The following ADGRF5 variants were observed in gnomAD, a reference collection of about 807,000 sequenced individuals.
ADGRF5 encodes the protein G-protein coupled receptor 116.
ADGRF5 carries 75 observed loss-of-function variants against 132.3 expected under a neutral mutation model. That is an observed-to-expected ratio of 0.57 (90% confidence interval 0.47 to 0.69). The LOEUF (loss-of-function observed/expected upper bound fraction) is 0.69, where lower values mean the gene tolerates loss of function less well. ADGRF5 is among the 30% of genes least tolerant of loss of function. The probability of loss-of-function intolerance (pLI) is 0.00; values close to 1 mark genes in which losing one functional copy is unlikely to be tolerated. For synonymous variants in ADGRF5, 629 were observed against 597.6 expected, an observed-to-expected ratio of 1.05 and a Z score of -0.77; for missense variants, 1,516 against 1,630.6, an observed-to-expected ratio of 0.93 and a Z score of 1.21.
At chr6:46,897,052 A>T (rs972924080) in intron 3 of ADGRF5, among the ~76,000 whole-genome samples, 1 of 151,884 alleles carries the variant, frequency 6.6e-6, no homozygotes, top group Non-Finnish European at 1.5e-5. Flanking sequence ...CCAATCCCCC[A>T]TGGATACCAA....
intron 19 of ADGRF5, among the ~76,000 whole-genome samples, chr6:46,856,428 T>A (rs9395217): frequency 0.24 from 36,961 of 152,132 alleles, 4,868 homozygotes; most frequent in East Asian, 0.38. Flanking sequence ...ACGTTTGATT[T>A]CAACCTTAAG....
intron 1 of ADGRF5, among the ~76,000 whole-genome samples, chr6:46,928,697 C>G (rs1324480359): frequency 6.6e-6 from 1 of 152,158 alleles, no homozygotes; most frequent in Non-Finnish European, 1.5e-5. Flanking sequence ...AGGTGCCTAT[C>G]ACACTATTTT....
Position 46,891,678 on chromosome 6 carries a change from A to G in ADGRF5, c.158-3173T>C, listed in dbSNP as rs554955929. ...TGCCCCTGTGCTCTTTTCAGTCACAACTGAAGAACAAGTGTGTGCCTAGAA... is the reference window on the plus strand; with the variant it reads ...TGCCCCTGTGCTCTTTTCAGTCACAGCTGAAGAACAAGTGTGTGCCTAGAA... On this transcript the variant is annotated intron_variant, in intron 3 of 20. Transcript: ENST00000283296. Among the ~76,000 whole-genome samples, 6 of 152,338 alleles carry G rather than the reference A, an allele frequency of 3.9e-5. 1 individual carries two copies. In the East Asian group the frequency reaches 7.7e-4, roughly 20 times the overall value.
At chr6:46,861,049 T>C (rs961081948) in intron 15 of ADGRF5, among the ~76,000 whole-genome samples, 155 bp from the exon 16 acceptor site, 1 of 152,218 alleles carries the variant, frequency 6.6e-6, no homozygotes, top group Non-Finnish European at 1.5e-5. Context: ...GCTTATCCCT[T>C]AAGCACTCCA....
intron 1 of ADGRF5, among the ~76,000 whole-genome samples, chr6:46,947,468 AC>A (rs1288947186): frequency 6.6e-6 from 1 of 152,378 alleles, no homozygotes; most frequent in African/African-American, 2.4e-5. Flanking sequence ...ACATATGTGC[AC>A]ATCTGCGGGT....
At chr6:46,868,473 G>C (rs1437896492) in intron 12 of ADGRF5, among the ~76,000 whole-genome samples, 2 of 152,326 alleles carry the variant, frequency 1.3e-5, no homozygotes, top group South Asian at 2.1e-4. Flanking sequence ...ACAATGGATA[G>C]AGGTAAACAG....
intron 20 of ADGRF5, among the ~76,000 whole-genome samples, chr6:46,855,762 GTTA>G (rs368523575): frequency 2.6e-5 from 4 of 152,272 alleles, no homozygotes; most frequent in African/African-American, 9.6e-5. Context: ...TTCTTTATGA[GTTA>G]TTATAAGTTG....
At chr6:46,930,502 G>A (rs1777504320) in intron 1 of ADGRF5, among the ~76,000 whole-genome samples, 1 of 151,980 alleles carries the variant, frequency 6.6e-6, no homozygotes, top group Admixed American at 6.5e-5. Context: ...ATAACAGGAG[G>A]ACAATGAGGG....
At chr6:46,943,854 G>A (rs986918090) in intron 1 of ADGRF5, among the ~76,000 whole-genome samples, 4 of 152,258 alleles carry the variant, frequency 2.6e-5, no homozygotes, top group Middle Eastern at 3.4e-3. Context: ...GGTACAAAGC[G>A]ATACAGAATT....
chr6:46,866,135 A>G (rs745813282), intron 13 of ADGRF5, among the ~76,000 whole-genome samples: 53 of 152,132 alleles, frequency 3.5e-4, no homozygotes, highest in Non-Finnish European at 8.8e-5. Flanking sequence ...ATAGGGTGCT[A>G]CCAATGGACA....
At chr6:46,876,171 A>AAG in intron 10 of ADGRF5, among the ~76,000 whole-genome samples, 1 of 152,226 alleles carries the variant, frequency 6.6e-6, no homozygotes, top group Non-Finnish European at 1.5e-5. Context: ...GGGCAGGAGA[A>AAG]AGAAGGGCAG....
upstream of ADGRF5, among the ~76,000 whole-genome samples, chr6:46,926,551 A>G (rs887256276): frequency 6.6e-6 from 1 of 152,002 alleles, no homozygotes; most frequent in Non-Finnish European, 1.5e-5. Context: ...CTTGACCCTT[A>G]TTGATCTATC....
chr6:46,920,531 G>C (rs551737572), intron 1 of ADGRF5, among the ~76,000 whole-genome samples: 10 of 134,900 alleles, frequency 7.4e-5, no homozygotes, highest in Admixed American at 2.3e-4. Flanking sequence ...ATATTTGGGG[G>C]GGGGGAAGAG....
At chr6:46,922,308 GA>G (rs921673898), upstream of ADGRF5, among the ~76,000 whole-genome samples, 8 of 152,080 alleles carry the variant, frequency 5.3e-5, no homozygotes, top group African/African-American at 1.9e-4. Context: ...AGAAAGCAGA[GA>G]AAAAAAGAAT....
intron 20 of ADGRF5, among the ~76,000 whole-genome samples, chr6:46,855,186 A>AT (rs951438373): frequency 6.6e-5 from 10 of 151,580 alleles, no homozygotes; most frequent in South Asian, 4.2e-4. Context: ...AACTGTGAAT[A>AT]TTTTTTTTTC....
At chr6:46,862,516 C>CA (rs1769879885) in intron 15 of ADGRF5, among the ~76,000 whole-genome samples, 1 of 151,856 alleles carries the variant, frequency 6.6e-6, no homozygotes, top group South Asian at 2.1e-4. Context: ...TATATTGCTC[C>CA]TTTTTCTGAA....
At position 46,869,025 on chromosome 6, in the gene ADGRF5, G is replaced by A. The variant is rs368648139; in HGVS notation, c.1479C>T (p.Ile493=). Reference sequence around the variant, plus strand: ...CCTCATCATAGTTACTCACATCACTGATGCATTTTATAGAAAAGTTTTGTC... The same window carrying A: ...CCTCATCATAGTTACTCACATCACTAATGCATTTTATAGAAAAGTTTTGTC... The part of the protein sequence containing the change: ...SEGQNFSIKC[I]SDVSNYDEVY... The change falls in exon 12 of 21, where the codon ATC becomes ATT. Residue 493 remains isoleucine (I), a synonymous_variant. Coordinates refer to ENST00000283296, the MANE Select transcript of ADGRF5 (RefSeq NM_001098518.2). 6.2e-7 allele frequency: 1 copy of A among 1,613,538 alleles called. No homozygotes were observed. Among genetic ancestry groups the A allele is most frequent in the Non-Finnish European group, 8.5e-7 (1 of 1,179,520 alleles).
chr6:46,862,038 C>T (rs1769809155), intron 15 of ADGRF5, among the ~76,000 whole-genome samples: 1 of 151,660 alleles, frequency 6.6e-6, no homozygotes, highest in African/African-American at 2.4e-5. Flanking sequence ...TGATTTGGCC[C>T]ATTTACCTTG....
chr6:46,868,206 G>A (rs1370236244), intron 12 of ADGRF5, among the ~76,000 whole-genome samples: 1 of 152,160 alleles, frequency 6.6e-6, no homozygotes, highest in Non-Finnish European at 1.5e-5. Flanking sequence ...TTTGCATCCT[G>A]GCTCTGCCAC....
Sources: gnomAD v4.1 joint callset for allele counts (sites outside exome capture counted in the v4.1 genomes callset) on GRCh38, gnomAD v4.1.1 for gene constraint, MANE v1.5 for transcripts, NCBI Gene and HGNC (gene_info 2026-07-23, HGNC 2026-07-21) for gene names.